WDPCP: variants seen among roughly 807,000 people sequenced by gnomAD.
WDPCP encodes the protein WD repeat containing planar cell polarity effector, also known as WD repeat-containing and planar cell polarity effector protein fritz homolog.
A neutral mutation model predicts 93.1 loss-of-function variants in WDPCP; 71 were observed. The observed-to-expected ratio is 0.76, with a 90% confidence interval of 0.63 to 0.93. The LOEUF is 0.93. Ranked by LOEUF, WDPCP falls within the 40% of genes least tolerant of loss-of-function variation. The pLI, the probability that WDPCP is intolerant of heterozygous loss-of-function variation, is 0.00. For missense variants in WDPCP, 844 were observed against 887.4 expected, an observed-to-expected ratio of 0.95 and a Z score of 0.62; for synonymous variants, 315 against 315.0, an observed-to-expected ratio of 1.00 and a Z score of 0.00.
chr2:63,646,167 T>C (rs1710047047), intron 3 of WDPCP, among the ~76,000 whole-genome samples: 1 of 152,182 alleles, frequency 6.6e-6, no homozygotes, highest in African/African-American at 2.4e-5. Context: ...TGTGTATTCA[T>C]TGTATGGTTT....
intron 13 of WDPCP, among the ~76,000 whole-genome samples, chr2:63,261,109 C>T (rs1485612848): frequency 2.0e-5 from 3 of 151,386 alleles, no homozygotes; most frequent in Admixed American, 1.3e-4. Flanking sequence ...TTCATTTCAA[C>T]GAGAACATTG....
chr2:63,410,401 T>A (rs1219674590), intron 9 of WDPCP, among the ~76,000 whole-genome samples: 2 of 152,058 alleles, frequency 1.3e-5, no homozygotes, highest in Non-Finnish European at 2.9e-5. Flanking sequence ...TGGAAACACA[T>A]CAAAACAGAA....
chr2:63,373,931 C>T (rs1691623208), intron 12 of WDPCP, among the ~76,000 whole-genome samples: 1 of 151,944 alleles, frequency 6.6e-6, no homozygotes, highest in East Asian at 1.9e-4. Flanking sequence ...CTCTTCACTC[C>T]TCTTCTGATT....
At chr2:63,226,507 A>G (rs1201403280) in intron 14 of WDPCP, among the ~76,000 whole-genome samples, 1 of 151,854 alleles carries the variant, frequency 6.6e-6, no homozygotes, top group Non-Finnish European at 1.5e-5. Context: ...ACATTAAGTT[A>G]CCTTACATCG....
At chr2:63,541,973 T>C (rs915568388) in intron 1 of WDPCP, among the ~76,000 whole-genome samples, 2 of 152,154 alleles carry the variant, frequency 1.3e-5, no homozygotes, top group Admixed American at 1.3e-4. Context: ...AATGTATATG[T>C]ACACATATAT....
At chr2:63,812,388 T>C (rs1463879726) in intron 2 of WDPCP, among the ~76,000 whole-genome samples, 1 of 152,234 alleles carries the variant, frequency 6.6e-6, no homozygotes, top group African/African-American at 2.4e-5. Context: ...AGGCTGTGTC[T>C]TTTTGGTAGA....
intron 12 of WDPCP, among the ~76,000 whole-genome samples, chr2:63,365,237 C>T (rs1690809853): frequency 6.6e-6 from 1 of 152,102 alleles, no homozygotes; most frequent in Non-Finnish European, 1.5e-5. Context: ...AATGTGCTGA[C>T]CTAGCAAGGT....
At position 63,266,425 on chromosome 2, in the gene WDPCP, T is replaced by C. The variant is rs915125418; in HGVS notation, c.1813-7016A>G. On this transcript the variant is annotated intron_variant, in intron 13 of 17. Transcript: ENST00000272321. ...TACTAGCACCAAAAAAGAAAATACA[T>C]AGGAGCAAATTTAACCAAACAGATG... is the stretch of plus-strand genomic sequence containing the variant. Among the ~76,000 whole-genome samples, 6 of 151,952 alleles carry C rather than the reference T, an allele frequency of 3.9e-5. No homozygotes were observed. In the East Asian group the frequency reaches 1.2e-3, roughly 29 times the overall value.
intron 2 of WDPCP, among the ~76,000 whole-genome samples, chr2:63,677,971 A>C (rs1710443695): frequency 6.6e-6 from 1 of 152,222 alleles, no homozygotes; most frequent in Non-Finnish European, 1.5e-5. Flanking sequence ...AAGTATTCTC[A>C]TATAAGATAT....
chr2:63,255,572 C>T (rs1681065821), intron 14 of WDPCP, among the ~76,000 whole-genome samples: 1 of 152,120 alleles, frequency 6.6e-6, no homozygotes, highest in Non-Finnish European at 1.5e-5. Context: ...TTCTTCCCCT[C>T]TTACCATGTG....
At chr2:63,635,486 A>G (rs1009766937) in intron 3 of WDPCP, among the ~76,000 whole-genome samples, 2 of 152,158 alleles carry the variant, frequency 1.3e-5, no homozygotes, top group African/African-American at 4.8e-5. Flanking sequence ...ATACTAGCAA[A>G]TTGAATTCAA....
chr2:63,606,999 T>C (rs542979030), intron 3 of WDPCP: 2 of 1,604,638 alleles, frequency 1.2e-6, no homozygotes, highest in African/African-American at 2.7e-5. Context: ...TAGACAATGA[T>C]GTTACTAAAT....
At chr2:63,539,535 T>C (rs1704555095) in intron 1 of WDPCP, among the ~76,000 whole-genome samples, 1 of 152,084 alleles carries the variant, frequency 6.6e-6, no homozygotes, top group Admixed American at 6.6e-5. Flanking sequence ...GTCTCAAAAA[T>C]ACAGAAATTA....
chr2:63,813,114 C>T (rs1259516191), intron 2 of WDPCP, among the ~76,000 whole-genome samples: 1 of 152,124 alleles, frequency 6.6e-6, no homozygotes, highest in African/African-American at 2.4e-5. Flanking sequence ...CTTAGCCTCC[C>T]AAAGTGCTGG....
intron 2 of WDPCP, among the ~76,000 whole-genome samples, chr2:63,768,125 A>T (rs967451642): frequency 9.9e-5 from 15 of 152,096 alleles, no homozygotes; most frequent in Non-Finnish European, 7.4e-5. Context: ...ACCAAAGTTC[A>T]TTTATTTGCA....
intron 2 of WDPCP, among the ~76,000 whole-genome samples, chr2:63,763,671 GT>G (rs759042620): frequency 8.1e-4 from 124 of 152,200 alleles, no homozygotes; most frequent in African/African-American, 2.3e-3. Context: ...ACAAAAAAGT[GT>G]TTTGATTAGT....
intron 2 of WDPCP, among the ~76,000 whole-genome samples, chr2:63,692,308 T>C (rs1668901377): frequency 6.6e-6 from 1 of 152,142 alleles, no homozygotes; most frequent in Non-Finnish European, 1.5e-5. Context: ...TCTGTGTGTG[T>C]ATGTGTGTGT....
rs866494068 is a variant in WDPCP, at chr2:63,609,095, G to A, written n.488+41564C>T. Among the ~76,000 whole-genome samples, 9 of 152,172 alleles carry A rather than the reference G, an allele frequency of 5.9e-5. 1 individual carries two copies. The highest frequency in any genetic ancestry group is 2.6e-4 in the Admixed American group (4 of 15,286). On this transcript the variant is annotated intron_variant and non_coding_transcript_variant, in intron 3 of 4. Transcript: ENST00000467687. ...AAAAATGTGCTAATGGGCCAGGCGC[G>A]GTGGCTCATGCTTGTAATCCCAGTA...
intron 2 of WDPCP, among the ~76,000 whole-genome samples, chr2:63,788,683 G>A (rs955120679): frequency 6.6e-6 from 1 of 152,062 alleles, no homozygotes; most frequent in African/African-American, 2.4e-5. Context: ...TTTAAAAAAA[G>A]AAATAAATCA....
Sources: gnomAD v4.1 joint callset for allele counts (sites outside exome capture counted in the v4.1 genomes callset) on GRCh38, gnomAD v4.1.1 for gene constraint, MANE v1.5 for transcripts, NCBI Gene and HGNC (gene_info 2026-07-23, HGNC 2026-07-21) for gene names.